Variants in CEP112 observed in about 807,000 individuals in gnomAD.
CEP112 encodes centrosomal protein of 112 kDa.
A neutral mutation model predicts 153.0 loss-of-function variants in CEP112; 127 were observed. The observed-to-expected ratio is 0.83, with a 90% CI of 0.72 to 0.96. The LOEUF is 0.96. Among genes scored for constraint, CEP112 ranks in the 40% least tolerant of loss-of-function variants. The pLI is 0.00. For missense variants in CEP112, 1,089 were observed against 1,101.2 expected, an observed-to-expected ratio of 0.99 and a Z score of 0.16; for synonymous variants, 358 against 374.4, an observed-to-expected ratio of 0.96 and a Z score of 0.51.
intron 21 of CEP112, among the ~76,000 whole-genome samples, chr17:65,842,239 C>T (rs2057546079): frequency 6.6e-6 from 1 of 151,944 alleles, no homozygotes; most frequent in African/African-American, 2.4e-5. Context: ...TTTTTAAATG[C>T]CTACTTTAAA....
intron 12 of CEP112, among the ~76,000 whole-genome samples, chr17:66,030,796 T>A (rs2065430378): frequency 6.6e-6 from 1 of 152,140 alleles, no homozygotes; most frequent in Middle Eastern, 3.2e-3. Context: ...ACAGTTAATT[T>A]TCAGTTTTAA....
chr17:65,896,928 G>A (rs1342092589), intron 20 of CEP112, among the ~76,000 whole-genome samples: 2 of 151,978 alleles, frequency 1.3e-5, no homozygotes, highest in Non-Finnish European at 2.9e-5. Flanking sequence ...CAAAATTAAA[G>A]TGAAATAATA....
intron 23 of CEP112, among the ~76,000 whole-genome samples, chr17:65,741,875 G>T (rs1235573503): frequency 6.7e-6 from 1 of 148,558 alleles, no homozygotes; most frequent in East Asian, 2.0e-4. Flanking sequence ...ATTTGTAAAT[G>T]AAAAAAACTT....
intron 20 of CEP112, chr17:65,873,432 A>C (rs922141530): frequency 4.6e-5 from 7 of 152,170 alleles, no homozygotes; most frequent in African/African-American, 1.7e-4. Flanking sequence ...ATTAACCTCA[A>C]GCTGACTTAC....
At chr17:65,965,537 C>T (rs7219957) in intron 17 of CEP112, among the ~76,000 whole-genome samples, 59,983 of 103,722 alleles carry the variant, frequency 0.58, 13,318 homozygotes, top group East Asian at 0.88. Context: ...TTTTTTTTTT[C>T]TTTGAGACAG....
intron 16 of CEP112, among the ~76,000 whole-genome samples, chr17:66,026,336 T>C (rs140663193): frequency 2.2e-4 from 33 of 152,298 alleles, no homozygotes; most frequent in African/African-American, 7.9e-4. Context: ...GTATTAAGTG[T>C]GTCAATAACC....
At chr17:66,011,092 G>T (rs958039280) in intron 16 of CEP112, among the ~76,000 whole-genome samples, 2 of 151,922 alleles carry the variant, frequency 1.3e-5, no homozygotes, top group African/African-American at 2.4e-5. Flanking sequence ...TGGTCCTGGG[G>T]TTTTTTTGGT....
At chr17:66,034,968 T>TC (rs1568411030) in intron 12 of CEP112, among the ~76,000 whole-genome samples, 1 of 19,898 alleles carries the variant, frequency 5.0e-5, no homozygotes, top group African/African-American at 1.0e-4. Context: ...CCAGCTAAGT[T>TC]TTTGCATGTA....
Position 65,652,443 on chromosome 17 carries a change from T to A in CEP112, c.2698-11378A>T, listed in dbSNP as rs2045831844. Among the ~76,000 whole-genome samples, 4 of 152,132 alleles carry A rather than the reference T, an allele frequency of 2.6e-5. No homozygotes were observed. In the South Asian group the frequency reaches 8.3e-4, roughly 32 times the overall value. On this transcript the variant is annotated intron_variant, in intron 24 of 26. Transcript: ENST00000535342. Reference sequence around the variant, plus strand: ...ATAATAGATGTTCAATAAACATTAGTTATCATTATATGACTTAATGGAGAT... The same window carrying A: ...ATAATAGATGTTCAATAAACATTAGATATCATTATATGACTTAATGGAGAT...
Position 65,884,598 on chromosome 17 carries a change from T to C in CEP112, c.2163+17554A>G, listed in dbSNP as rs183939053. Among the ~76,000 whole-genome samples the C allele has an allele frequency of 1.5e-3, 235 of 152,286 alleles. 2 individuals carry two copies. The highest frequency in any genetic ancestry group is 5.2e-3 in the African/African-American group (217 of 41,576). On this transcript the variant is annotated intron_variant, in intron 20 of 26. Transcript: ENST00000535342. ...ACATTCTAGAATATGAGGTAGGCTA[T>C]AGACAGTCATCTATAGGACTTTTCC...
At chr17:65,880,127 T>A (rs1299038196) in intron 20 of CEP112, among the ~76,000 whole-genome samples, 1 of 152,212 alleles carries the variant, frequency 6.6e-6, no homozygotes, top group Non-Finnish European at 1.5e-5. Flanking sequence ...TTGTATATTG[T>A]TACTCATGTA....
rs776788248 is a variant in CEP112 at position 65,804,778 on chromosome 17, C to T, written c.2394+47026G>A. On this transcript the variant is annotated intron_variant, in intron 21 of 26. Coordinates refer to ENST00000535342, the MANE Select transcript of CEP112 (RefSeq NM_001199165.4). ...TGGTCATTCTAAATATGAATCATATCCTCAGTATGATATTAACAATATTAA... is the reference window on the plus strand; with the variant it reads ...TGGTCATTCTAAATATGAATCATATTCTCAGTATGATATTAACAATATTAA... Among the ~76,000 whole-genome samples the T allele has an allele frequency of 3.2e-4, 48 of 152,140 alleles. 1 individual carries two copies. Among genetic ancestry groups the T allele is most frequent in the Non-Finnish European group, 8.8e-5 (6 of 68,010 alleles).
At chr17:66,020,068 T>C (rs2319114) in intron 16 of CEP112, among the ~76,000 whole-genome samples, 62,461 of 151,990 alleles carry the variant, frequency 0.41, 14,304 homozygotes, top group East Asian at 0.87. Flanking sequence ...CACTACAGCC[T>C]GTCTGTCTCA....
At chr17:65,774,114 A>G (rs1416481805) in intron 21 of CEP112, among the ~76,000 whole-genome samples, 1 of 148,796 alleles carries the variant, frequency 6.7e-6, no homozygotes, top group Non-Finnish European at 1.5e-5. Flanking sequence ...CCATTTTTGG[A>G]TTTAAACGAT....
intron 17 of CEP112, among the ~76,000 whole-genome samples, chr17:65,970,601 G>C (rs1011156255): frequency 5.3e-5 from 8 of 151,830 alleles, no homozygotes; most frequent in Non-Finnish European, 2.9e-5. Flanking sequence ...TATATTACCT[G>C]TATATTGCAG....
chr17:65,855,383 C>A (rs533132277), intron 20 of CEP112, among the ~76,000 whole-genome samples: 1 of 152,156 alleles, frequency 6.6e-6, no homozygotes, highest in Middle Eastern at 3.2e-3. Flanking sequence ...CTCTGAACTT[C>A]CTGGGTATTC....
chr17:65,790,332 A>G (rs1313998975), intron 21 of CEP112, among the ~76,000 whole-genome samples: 1 of 152,198 alleles, frequency 6.6e-6, no homozygotes, highest in Non-Finnish European at 1.5e-5. Context: ...GGGAACTGAG[A>G]CCAAGGACCC....
chr17:66,004,211 G>A (rs1202619873), intron 17 of CEP112, among the ~76,000 whole-genome samples: 3 of 152,022 alleles, frequency 2.0e-5, no homozygotes, highest in Non-Finnish European at 4.4e-5. Flanking sequence ...GCCAGGTGTG[G>A]TGGCTCACAC....
chr17:66,132,627 A>G, intron 5 of CEP112, 43 bp downstream of exon 5: 1 of 1,393,706 alleles, frequency 7.2e-7, no homozygotes, highest in Non-Finnish European at 1.0e-6. Context: ...AGCTATTTTA[A>G]AACAACAAGC....
Sources: gnomAD v4.1 joint callset for allele counts (sites outside exome capture counted in the v4.1 genomes callset) on GRCh38, gnomAD v4.1.1 for gene constraint, MANE v1.5 for transcripts, NCBI Gene and HGNC (gene_info 2026-07-23, HGNC 2026-07-21) for gene names.